MYH15: variants seen among roughly 807,000 people sequenced by gnomAD.
The protein encoded by MYH15 is myosin-15.
Under a neutral mutation model 240.5 loss-of-function variants are expected in MYH15, and 227 were observed. The ratio of observed to expected loss-of-function variants is 0.94; its 90% CI spans 0.85 to 1.05. The LOEUF is 1.05. Among genes scored for constraint, MYH15 ranks in the 50% least tolerant of loss-of-function variants. The probability of loss-of-function intolerance (pLI) is 0.00; values close to 1 mark genes in which losing one functional copy is unlikely to be tolerated. For synonymous variants in MYH15, 785 were observed against 796.7 expected, an observed-to-expected ratio of 0.99 and a Z score of 0.25; for missense variants, 2,217 against 2,247.5, an observed-to-expected ratio of 0.99 and a Z score of 0.27.
chr3:108,530,131 T>C (rs1410095413), upstream of MYH15, among the ~76,000 whole-genome samples: 1 of 152,214 alleles, frequency 6.6e-6, no homozygotes, highest in Non-Finnish European at 1.5e-5. Flanking sequence ...AAGGGTTTCA[T>C]GTCAATAGTG....
At chr3:108,436,723 G>A (rs1023479826) in intron 25 of MYH15, among the ~76,000 whole-genome samples, 1 of 152,166 alleles carries the variant, frequency 6.6e-6, no homozygotes, top group African/African-American at 2.4e-5. Context: ...ATTTTTAGTA[G>A]AGATGGGGTT....
chr3:108,498,269 G>C, intron 5 of MYH15, 124 bp from the exon 6 acceptor site: 1 of 778,464 alleles, frequency 1.3e-6, no homozygotes, highest in South Asian at 1.6e-5. Flanking sequence ...TAGAGCTTCA[G>C]ATGGAACTTG....
Position 108,421,131 on chromosome 3 carries a change from TG to T in MYH15, c.3785del (p.Ala1262GlufsTer28). The T allele has an allele frequency of 6.2e-7, 1 of 1,614,198 alleles. No homozygotes were observed. Among genetic ancestry groups the T allele is most frequent in the Non-Finnish European group, 8.5e-7 (1 of 1,180,012 alleles). On this transcript the variant is annotated frameshift_variant, in exon 28 of 41. Transcript: ENST00000693548. LOFTEE classifies it high-confidence loss of function. ...TAKLDKVTQL[A>X]NDLAAQKTKL... ...TTGTCTTTTGTGCTGCCAGGTCATT[TG>T]CCAACTGAGTCACCTTATCTAGCTT...
intron 22 of MYH15, among the ~76,000 whole-genome samples, chr3:108,441,480 G>T (rs9874545): frequency 0.017 from 2,590 of 152,200 alleles, 72 homozygotes; most frequent in African/African-American, 0.059. Context: ...AATCTCTCAG[G>T]CCAATTCAGT....
chr3:108,533,117 G>GTTTT (rs2083722384), upstream of MYH15, among the ~76,000 whole-genome samples: 3 of 81,518 alleles, frequency 3.7e-5, no homozygotes, highest in African/African-American at 3.9e-5. Context: ...AACAATAAAA[G>GTTTT]CTTTTTTTTT....
chr3:108,544,428 A>G, the MYH15 span, among the ~76,000 whole-genome samples: 1 of 152,326 alleles, frequency 6.6e-6, no homozygotes, highest in African/African-American at 2.4e-5. Context: ...CAGTATGATC[A>G]TAAGTTGGGT....
rs2082879989 is a variant in MYH15 at position 108,441,004 on chromosome 3, T to C, written c.2898+14A>G. ...GCTGCTAGGCCTTCTTAACTAACAT[T>C]ATGGAAAAAGTACCTTGTGCTCTGT... On this transcript the variant is annotated intron_variant, in intron 23 of 40. Transcript: ENST00000693548. The C allele has an allele frequency of 6.2e-7, 1 of 1,612,802 alleles. No individual in the cohort carries two copies. The highest frequency in any genetic ancestry group is 8.5e-7 in the Non-Finnish European group (1 of 1,178,890).
In MYH15 at chr3:108,388,994, T is replaced by G. The variant is rs758734881; in HGVS notation, c.5511A>C (p.Arg1837=). ...EAQRGARRLE[R]CIKELTYQAE... The stretch of plus-strand genomic sequence containing the variant: ...CCTGATAGGTCAGCTCTTTGATGCA[T>G]CGCTCAAGTCTGCGGGCTCCCCTCT... Residue 1837 remains arginine (R), a synonymous_variant, in exon 38 of 41, where the codon CGA becomes CGC. Transcript: ENST00000693548. 6.2e-7 allele frequency: 1 copy of G among 1,613,624 alleles called. No individual in the cohort carries two copies. The highest frequency in any genetic ancestry group is 1.3e-5 in the African/African-American group (1 of 74,888).
At chr3:108,452,569 G>A (rs1171259951) in intron 21 of MYH15, among the ~76,000 whole-genome samples, 2 of 151,760 alleles carry the variant, frequency 1.3e-5, no homozygotes, top group African/African-American at 4.8e-5. Flanking sequence ...CAAACTTCAG[G>A]ACAATATATA....
intron 6 of MYH15, among the ~76,000 whole-genome samples, chr3:108,497,534 C>T (rs1479837430): frequency 6.6e-6 from 1 of 151,684 alleles, no homozygotes; most frequent in African/African-American, 2.4e-5. Context: ...CTAAAATGAA[C>T]AAGGATTTTT....
At chr3:108,520,098 A>G (rs2107265922) in intron 1 of MYH15, among the ~76,000 whole-genome samples, 1 of 152,308 alleles carries the variant, frequency 6.6e-6, no homozygotes, top group East Asian at 1.9e-4. Flanking sequence ...AATAATTAAG[A>G]TGTGGCTTCT....
the MYH15 span, among the ~76,000 whole-genome samples, chr3:108,539,391 A>T: frequency 6.6e-6 from 1 of 152,214 alleles, no homozygotes; most frequent in Non-Finnish European, 1.5e-5. Flanking sequence ...GTAGCTGTTC[A>T]ATGTTATATA....
intron 28 of MYH15, among the ~76,000 whole-genome samples, chr3:108,417,770 C>T (rs1407259145): frequency 1.3e-5 from 2 of 148,588 alleles, no homozygotes; most frequent in Non-Finnish European, 3.0e-5. Flanking sequence ...GATACACACA[C>T]ACACGTACAG....
chr3:108,449,537 A>G (rs917434883), intron 21 of MYH15, among the ~76,000 whole-genome samples: 2 of 152,076 alleles, frequency 1.3e-5, no homozygotes, highest in Non-Finnish European at 2.9e-5. Context: ...ATCCACATGC[A>G]GAAGACTAAG....
Position 108,380,384 on chromosome 3 carries a change from T to TATTA in MYH15, c.*1157_*1160dup, listed in dbSNP as rs1027347878. 6.6e-6 allele frequency: 1 copy of TATTA among 152,306 alleles called. No individual in the cohort carries two copies. The highest frequency in any genetic ancestry group is 1.5e-5 in the Non-Finnish European group (1 of 68,060). 9.4% of individuals were successfully genotyped at this position (152,306 alleles called of 1,614,324 possible). On this transcript the variant is annotated 3_prime_UTR_variant, in exon 41 of 41. Coordinates refer to ENST00000693548, the MANE Select transcript of MYH15 (RefSeq NM_014981.3). ...ATCAGAGAATGACAGAATAAAGATT[T>TATTA]ATTATAGAGCTTCAGCCTTACACAA...
intron 18 of MYH15, among the ~76,000 whole-genome samples, chr3:108,457,690 A>T (rs1372726451): frequency 6.6e-6 from 1 of 152,168 alleles, no homozygotes; most frequent in Non-Finnish European, 1.5e-5. Flanking sequence ...TCATATACCC[A>T]TATTTCTATA....
chr3:108,444,256 A>G (rs970768818), intron 22 of MYH15, among the ~76,000 whole-genome samples: 2 of 152,130 alleles, frequency 1.3e-5, no homozygotes, highest in Non-Finnish European at 2.9e-5. Flanking sequence ...ATATCCGACT[A>G]GAAGCACACT....
At chr3:108,538,020 T>G in the MYH15 span, among the ~76,000 whole-genome samples, 1 of 152,184 alleles carries the variant, frequency 6.6e-6, no homozygotes, top group Non-Finnish European at 1.5e-5. Context: ...TGATCCAAAC[T>G]GTCATTTCTG....
chr3:108,381,541 G>A lies in MYH15; in HGVS notation c.*4C>T, dbSNP rs967886785. 11 of 1,613,854 alleles carry A rather than the reference G, an allele frequency of 6.8e-6. No individual in the cohort carries two copies. Among genetic ancestry groups the A allele is most frequent in the Non-Finnish European group, 9.3e-6 (11 of 1,179,760 alleles). On this transcript the variant is annotated 3_prime_UTR_variant, in exon 41 of 41. Coordinates refer to ENST00000693548, the MANE Select transcript of MYH15 (RefSeq NM_014981.3). Reference sequence around the variant, plus strand: ...CAGCTGTTGTCCTTTCAAAGCAGGGGATGCTATTCTTCTTGAACCTGAAAA... The same window carrying A: ...CAGCTGTTGTCCTTTCAAAGCAGGGAATGCTATTCTTCTTGAACCTGAAAA...
Sources: allele counts gnomAD v4.1 joint callset (sites outside exome capture counted in the v4.1 genomes callset), GRCh38; gene constraint gnomAD v4.1.1; transcripts MANE v1.5; gene names NCBI Gene and HGNC (gene_info 2026-07-23, HGNC 2026-07-21).